The following NDUFS7 variants were observed in gnomAD, a reference collection of about 807,000 sequenced individuals.
NDUFS7 encodes the protein NADH dehydrogenase [ubiquinone] iron-sulfur protein 7, mitochondrial.
Under a neutral mutation model 31.1 loss-of-function variants are expected in NDUFS7, and 11 were observed. The ratio of observed to expected loss-of-function variants is 0.35; its 90% CI spans 0.22 to 0.59. NDUFS7 has a LOEUF of 0.59. Among genes scored for constraint, NDUFS7 ranks in the 20% least tolerant of loss-of-function variants. The probability of loss-of-function intolerance (pLI) is 0.79; values close to 1 mark genes in which losing one functional copy is unlikely to be tolerated. For synonymous variants in NDUFS7, 136 were observed against 127.9 expected (o/e 1.06, Z -0.43); for missense variants, 263 against 324.2 (o/e 0.81, Z 1.45).
chr19:1,393,782 G>T lies in NDUFS7; in HGVS notation c.544+452G>T. ...AGGCTTAGTTTGACTGTGAGGTTAG[G>T]GTGAATTTGACCATCAGGAAAACTG... On this transcript the variant is annotated intron_variant, in intron 7 of 7. Transcript: ENST00000233627. This position sits in a 1 kb window ranked among gnomAD's most constrained non-coding sequence, Gnocchi z 7.3. The T allele has an allele frequency of 2.3e-6, 1 of 434,100 alleles. No homozygotes were observed. The highest frequency in any genetic ancestry group is 4.2e-6 in the Non-Finnish European group (1 of 236,840). The allele number at this position is 434,100 out of a possible 1,614,324, so 26.9% of individuals were successfully genotyped here.
Position 1,391,209 on chromosome 19 carries a change from G to C in NDUFS7, c.455+44G>C, listed in dbSNP as rs1216162533. The C allele has an allele frequency of 2.5e-6, 4 of 1,600,110 alleles. No individual in the cohort carries two copies. In the East Asian group the frequency reaches 9.0e-5, roughly 36 times the overall value. On this transcript the variant is annotated intron_variant, in intron 6 of 7. Transcript: ENST00000233627. ...GTCTCCAGGGACAGACGTAGCGTGA[G>C]TGCTGGCCTGGCCGTGCCCTGATGG... is the stretch of plus-strand genomic sequence containing the variant.
chr19:1,389,866 G>A (rs978953963), intron 4 of NDUFS7: 1 of 272,034 alleles, frequency 3.7e-6, no homozygotes, highest in African/African-American at 2.2e-5. Flanking sequence ...GACAAGGATA[G>A]TTTTTAATGC....
At chr19:1,390,651 A>G in intron 4 of NDUFS7, 1 of 605,382 alleles carries the variant, frequency 1.7e-6, no homozygotes, top group African/African-American at 1.8e-5. Context: ...GACAGATCTC[A>G]CCCGTTTCTC....
intron 4 of NDUFS7, chr19:1,390,491 A>G (rs903632335): frequency 1.8e-5 from 6 of 334,070 alleles, no homozygotes; most frequent in African/African-American, 6.4e-5. Context: ...CGCACTTGGT[A>G]TGTGGACCCA....
chr19:1,384,382 CCCTGCTGGACCCTCCACCTCCCTCCCCA>C (rs1230488204), intron 1 of NDUFS7, among the ~76,000 whole-genome samples: 4 of 152,226 alleles, frequency 2.6e-5, no homozygotes, highest in Non-Finnish European at 5.9e-5. Context: ...ATCCACGCCA[CCCTGCTGGACCCTCCACCTCCCTCCCCA>C]CCCCTGGGAG....
At position 1,388,893 on chromosome 19, in the gene NDUFS7, G is replaced by T; in HGVS notation, c.183G>T (p.Glu61Asp). 6.2e-7 allele frequency: 1 copy of T among 1,610,172 alleles called. No homozygotes were observed. The highest frequency in any genetic ancestry group is 8.5e-7 in the Non-Finnish European group (1 of 1,178,672). The change falls in exon 4 of 8, where the codon GAG becomes GAT. Residue 61 changes from glutamate (E) to aspartate (D), a missense_variant. Physicochemically the swap from Glu to Asp is conservative, Grantham distance 45 (BLOSUM62 2). Coordinates refer to ENST00000233627, the MANE Select transcript of NDUFS7 (RefSeq NM_024407.5). The part of the protein sequence containing the change: ...AVAPKPSSRG[E>D]YVVAKLDDLV... ...CTCCCAAACCCAGCAGCCGGGGCGA[G>T]TATGTGGTGGCCAAGCTGGATGACC...
chr19:1,394,900 C>T, intron 7 of NDUFS7: 1 of 1,116,942 alleles, frequency 9.0e-7, no homozygotes, highest in Non-Finnish European at 1.1e-6. Flanking sequence ...ACTGGGGGAT[C>T]CCCAGCAAAG....
Position 1,393,523 on chromosome 19 carries a change from C to G in NDUFS7, c.544+193C>G. The G allele has an allele frequency of 2.9e-6, 2 of 684,672 alleles. No homozygotes were observed. The highest frequency in any genetic ancestry group is 5.3e-6 in the Non-Finnish European group (2 of 374,020). 42.4% of individuals were successfully genotyped at this position (684,672 alleles called of 1,614,324 possible). ...GTGAGAAGTCGGCGATGTATTCAGGCATCAGAGGGATCAGAGGGAGCAGGG... is the reference window on the plus strand; with the variant it reads ...GTGAGAAGTCGGCGATGTATTCAGGGATCAGAGGGATCAGAGGGAGCAGGG... On this transcript the variant is annotated intron_variant, in intron 7 of 7. Transcript: ENST00000233627. The surrounding 1 kb of genome is among the most constrained non-coding windows in gnomAD (Gnocchi z 7.3).
At chr19:1,389,142 T>G (rs540644305) in intron 4 of NDUFS7, 37 of 703,172 alleles carry the variant, frequency 5.3e-5, no homozygotes, top group South Asian at 5.2e-4. Context: ...ACAATGCACA[T>G]ATGCACACTC....
In NDUFS7 at chr19:1,393,909, G is replaced by C; in HGVS notation, c.544+579G>C. 1 of 237,264 alleles carries C rather than the reference G, an allele frequency of 4.2e-6. No individual in the cohort carries two copies. The highest frequency in any genetic ancestry group is 8.4e-6 in the Non-Finnish European group (1 of 118,928). The allele number at this position is 237,264 out of a possible 1,614,324, so 14.7% of individuals were successfully genotyped here. ...ATACCTGAAATTCACATCGCACCGG[G>C]AACATTCTTTATATCTGGTGATCCC... is the stretch of plus-strand genomic sequence containing the variant. On this transcript the variant is annotated intron_variant, in intron 7 of 7. Transcript: ENST00000233627. The surrounding 1 kb of genome is among the most constrained non-coding windows in gnomAD (Gnocchi z 7.3).
chr19:1,391,099 G>T lies in NDUFS7; in HGVS notation c.409-20G>T, dbSNP rs1251358130. The T allele has an allele frequency of 1.9e-6, 3 of 1,609,144 alleles. No homozygotes were observed. The highest frequency in any genetic ancestry group is 2.7e-5 in the African/African-American group (2 of 74,734). ...GCCGCCCCCAGAGTGAGCTGCGCAC[G>T]GACCCCGCCTCTCTTCCAGGTCTAC... On this transcript the variant is annotated intron_variant, in intron 5 of 7. Transcript: ENST00000233627.
chr19:1,389,223 A>AT (rs1491443534), intron 4 of NDUFS7: 1 of 669,996 alleles, frequency 1.5e-6, no homozygotes, highest in African/African-American at 1.8e-5. Context: ...ACATACACAC[A>AT]TGCACACTTG....
At chr19:1,389,446 C>T (rs369584283) in intron 4 of NDUFS7, 1 of 457,864 alleles carries the variant, frequency 2.2e-6, no homozygotes, top group Non-Finnish European at 4.4e-6. Flanking sequence ...AGGGCGGACC[C>T]TCCCGGAGGC....
chr19:1,389,561 C>T (rs1445907111), intron 4 of NDUFS7: 1 of 454,522 alleles, frequency 2.2e-6, no homozygotes, highest in African/African-American at 2.0e-5. Flanking sequence ...GTGTGTTCCT[C>T]TTGTTTCTCT....
chr19:1,392,332 A>T (rs1473445930), intron 6 of NDUFS7: 1 of 152,154 alleles, frequency 6.6e-6, no homozygotes, highest in African/African-American at 2.4e-5. Flanking sequence ...AAATTTCTGT[A>T]GAGATCAGGT....
At chr19:1,384,015 G>T in intron 1 of NDUFS7, 73 bp downstream of exon 1, 1 of 1,491,528 alleles carries the variant, frequency 6.7e-7, no homozygotes, top group South Asian at 1.3e-5. Context: ...TGTCGTGGTG[G>T]CGTCGGGGGT....
At chr19:1,384,120 AT>A (rs1300676332) in intron 1 of NDUFS7, 178 bp downstream of exon 1, 1 of 682,934 alleles carries the variant, frequency 1.5e-6, no homozygotes, top group East Asian at 3.2e-5. Flanking sequence ...GGTCGCCGTT[AT>A]TGCGTCCAGA....
chr19:1,391,392 C>T (rs926365085), intron 6 of NDUFS7, among the ~76,000 whole-genome samples: 12 of 152,144 alleles, frequency 7.9e-5, no homozygotes, highest in African/African-American at 2.7e-4. Flanking sequence ...CCCCACATTC[C>T]GCCCAGTTCT....
rs563204756 is a variant in NDUFS7 at position 1,394,834 on chromosome 19, C to T, written c.545-557C>T. 41 of 1,160,224 alleles carry T rather than the reference C, an allele frequency of 3.5e-5. No homozygotes were observed. The Admixed American group carries it at 1.6e-3, about 44-fold the overall frequency. 71.9% of individuals were successfully genotyped at this position (1,160,224 alleles called of 1,614,324 possible). ...TCCACTCCTGCTGTCCCCGTTGGGCCCTGGGCTTCGTCCTCTTGCTCAAGC... is the reference window on the plus strand; with the variant it reads ...TCCACTCCTGCTGTCCCCGTTGGGCTCTGGGCTTCGTCCTCTTGCTCAAGC... On this transcript the variant is annotated intron_variant, in intron 7 of 7. Coordinates refer to ENST00000233627, the MANE Select transcript of NDUFS7 (RefSeq NM_024407.5).
Sources: allele counts gnomAD v4.1 joint callset (sites outside exome capture counted in the v4.1 genomes callset), GRCh38; gene constraint gnomAD v4.1.1; non-coding constraint Gnocchi (gnomAD v3.1); transcripts MANE v1.5; gene names NCBI Gene and HGNC (gene_info 2026-07-23, HGNC 2026-07-21).